Variants in SOX5 observed in about 807,000 individuals in gnomAD.
SOX5 encodes transcription factor SOX-5.
Under a neutral mutation model 92.0 loss-of-function variants are expected in SOX5, and 9 were observed. The observed-to-expected ratio is 0.10, with a 90% CI of 0.06 to 0.17. The LOEUF (loss-of-function observed/expected upper bound fraction) is 0.17. Ranked by LOEUF, SOX5 falls within the 10% of genes least tolerant of loss-of-function variation. SOX5 has a pLI of 1.00. For missense variants in SOX5, 642 were observed against 944.5 expected, an observed-to-expected ratio of 0.68 and a Z score of 4.20; for synonymous variants, 344 against 336.3, an observed-to-expected ratio of 1.02 and a Z score of -0.25.
At chr12:23,693,492 A>G (rs2089265006) in intron 6 of SOX5, among the ~76,000 whole-genome samples, 1 of 152,158 alleles carries the variant, frequency 6.6e-6, no homozygotes, top group Non-Finnish European at 1.5e-5. Flanking sequence ...AAGTACTTAC[A>G]TATTTTGAAC....
At chr12:24,142,628 A>G (rs1950696620) in intron 4 of SOX5, among the ~76,000 whole-genome samples, 2 of 152,070 alleles carry the variant, frequency 1.3e-5, no homozygotes, top group African/African-American at 4.8e-5. Flanking sequence ...AATATATGTA[A>G]CAATGCTTTG....
chr12:23,891,678 T>C (rs761974282), intron 2 of SOX5, among the ~76,000 whole-genome samples: 20 of 152,084 alleles, frequency 1.3e-4, no homozygotes, highest in Middle Eastern at 6.8e-3. Flanking sequence ...AGATATGGAA[T>C]AGAAAAAAAG....
intron 2 of SOX5, among the ~76,000 whole-genome samples, chr12:24,348,310 G>A (rs142701279): frequency 1.4e-4 from 22 of 151,910 alleles, no homozygotes; most frequent in African/African-American, 4.1e-4. Flanking sequence ...ACCAGACCCC[G>A]CCTACCTTGC....
chr12:23,815,158 T>C (rs2955523), intron 3 of SOX5, among the ~76,000 whole-genome samples: 18,425 of 152,056 alleles, frequency 0.12, 1,272 homozygotes, highest in East Asian at 0.21. Flanking sequence ...ATAATCTATA[T>C]AAAGCATGCA....
At chr12:24,316,728 T>G (rs1293146085) in intron 2 of SOX5, among the ~76,000 whole-genome samples, 1 of 152,186 alleles carries the variant, frequency 6.6e-6, no homozygotes, top group Admixed American at 6.5e-5. Flanking sequence ...GAAATTAAAT[T>G]TTTTTAAGTT....
intron 1 of SOX5, among the ~76,000 whole-genome samples, chr12:24,509,435 A>G (rs754634135): frequency 2.0e-5 from 3 of 152,168 alleles, no homozygotes; most frequent in Admixed American, 6.5e-5. Flanking sequence ...AAAAATGACC[A>G]TGGCATTAAA....
At chr12:24,434,798 CA>C (rs1312527330) in intron 1 of SOX5, among the ~76,000 whole-genome samples, 2 of 152,190 alleles carry the variant, frequency 1.3e-5, no homozygotes, top group African/African-American at 4.8e-5. Context: ...CAAAGCCGAG[CA>C]GATGCTAGCA....
chr12:24,180,935 C>T (rs1484457534), intron 4 of SOX5, among the ~76,000 whole-genome samples: 1 of 152,168 alleles, frequency 6.6e-6, no homozygotes, highest in Admixed American at 6.5e-5. Flanking sequence ...TAGTTGAATT[C>T]GTCTCAGATC....
At chr12:24,332,181 C>A (rs1951409706) in intron 2 of SOX5, among the ~76,000 whole-genome samples, 2 of 151,996 alleles carry the variant, frequency 1.3e-5, no homozygotes, top group Non-Finnish European at 2.9e-5. Context: ...AATTTCAGAA[C>A]ACTGCAGATA....
chr12:24,042,114 T>A (rs1995181), intron 4 of SOX5, among the ~76,000 whole-genome samples: 60,105 of 151,882 alleles, frequency 0.4, 12,319 homozygotes, highest in Middle Eastern at 0.47. Context: ...TTGAGTATAT[T>A]TCTTCAAGTA....
chr12:23,569,696 GTT>G (rs898456872), intron 10 of SOX5, among the ~76,000 whole-genome samples: 4 of 152,166 alleles, frequency 2.6e-5, no homozygotes, highest in African/African-American at 9.7e-5. Flanking sequence ...TGTATCCCAA[GTT>G]TTTCTCTTTC....
chr12:24,528,578 A>T (rs1215697060), intron 1 of SOX5, among the ~76,000 whole-genome samples: 1 of 152,224 alleles, frequency 6.6e-6, no homozygotes. Flanking sequence ...CTACTGATAT[A>T]TCACTATCCC....
chr12:24,470,003 T>C (rs1239808485), intron 1 of SOX5, among the ~76,000 whole-genome samples: 1 of 152,194 alleles, frequency 6.6e-6, no homozygotes, highest in Non-Finnish European at 1.5e-5. Flanking sequence ...TATCAAGTAA[T>C]GTATATATAT....
intron 8 of SOX5, among the ~76,000 whole-genome samples, chr12:23,605,611 G>C (rs1032559583): frequency 1.3e-5 from 2 of 151,676 alleles, no homozygotes; most frequent in Admixed American, 6.6e-5. Flanking sequence ...CTCTCAAGGA[G>C]AAGTACTGTG....
At chr12:23,824,723 AGAG>A (rs1380428455) in intron 3 of SOX5, among the ~76,000 whole-genome samples, 6 of 152,086 alleles carry the variant, frequency 3.9e-5, no homozygotes, top group Admixed American at 3.9e-4. Context: ...TCCCAGGGAG[AGAG>A]GAGTTTTATA....
chr12:24,551,639 AT>A (rs2138956036), intron 1 of SOX5, among the ~76,000 whole-genome samples: 1 of 152,354 alleles, frequency 6.6e-6, no homozygotes, highest in Non-Finnish European at 1.5e-5. Context: ...GGTAACTGTT[AT>A]CCCAAGATAA....
chr12:24,093,778 G>A (rs1353677318), intron 4 of SOX5, among the ~76,000 whole-genome samples: 1 of 150,842 alleles, frequency 6.6e-6, no homozygotes, highest in African/African-American at 2.4e-5. Context: ...TATAGTATGT[G>A]CTATTTAACT....
At chr12:23,780,512 T>A (rs1369558922) in intron 3 of SOX5, among the ~76,000 whole-genome samples, 2 of 152,092 alleles carry the variant, frequency 1.3e-5, no homozygotes, top group East Asian at 3.9e-4. Context: ...ATTTTGAGTG[T>A]AATAAAAAAT....
At chr12:24,398,485 C>T (rs1300220204) in intron 1 of SOX5, among the ~76,000 whole-genome samples, 9 of 152,204 alleles carry the variant, frequency 5.9e-5, no homozygotes, top group Non-Finnish European at 8.8e-5. Flanking sequence ...GCCTGAAAGA[C>T]AGAGTGAGAA....
Sources: gnomAD v4.1 joint callset for allele counts (sites outside exome capture counted in the v4.1 genomes callset) on GRCh38, gnomAD v4.1.1 for gene constraint, MANE v1.5 for transcripts, NCBI Gene and HGNC (gene_info 2026-07-23, HGNC 2026-07-21) for gene names.